Variants in NRTN observed in about 807,000 individuals in gnomAD.
The protein encoded by NRTN is prepro-neurturin.
Under a neutral mutation model 7.5 loss-of-function variants are expected in NRTN, and 3 were observed. That is an observed-to-expected ratio of 0.40 (90% confidence interval 0.18 to 1.03). NRTN has a LOEUF of 1.03. Among genes scored for constraint, NRTN ranks in the 50% least tolerant of loss-of-function variants. The pLI is 0.34. For synonymous variants in NRTN, 157 were observed against 146.6 expected (o/e 1.07, Z -0.51); for missense variants, 310 against 307.0 (o/e 1.01, Z -0.07).
At chr19:5,811,017 A>G (rs2056989061) in intron 1 of NRTN, among the ~76,000 whole-genome samples, 1 of 151,640 alleles carries the variant, frequency 6.6e-6, no homozygotes, top group African/African-American at 2.4e-5. Context: ...CAGGAGGATC[A>G]CTTGAGGTCA....
At position 5,824,332 on chromosome 19, in the gene NRTN, A is replaced by C. The variant is rs757355174; in HGVS notation, c.167A>C (p.Gln56Pro). The C allele has an allele frequency of 9.2e-5, 147 of 1,599,998 alleles. No homozygotes were observed. Among genetic ancestry groups the C allele is most frequent in the Non-Finnish European group, 1.2e-4 (143 of 1,175,506 alleles). Residue 56 changes from glutamine to proline, a missense_variant and splice_region_variant, in exon 2 of 3, where the codon CAG becomes CCG. Coordinates refer to ENST00000303212, the MANE Select transcript of NRTN (RefSeq NM_004558.5). Reference sequence around the variant, plus strand: ...GACGCCCGGATTGCCCGCCTGGCCCAGTGTAAGCTCCTCCTCTGTGTGGGG... The same window carrying C: ...GACGCCCGGATTGCCCGCCTGGCCCCGTGTAAGCTCCTCCTCTGTGTGGGG... ...TLDARIARLA[Q>P]YRALLQGAPD...
intron 1 of NRTN, among the ~76,000 whole-genome samples, chr19:5,816,323 T>C (rs759829030): frequency 6.6e-6 from 1 of 152,222 alleles, no homozygotes; most frequent in Non-Finnish European, 1.5e-5. Context: ...CCTCCATCTG[T>C]CTTTGTCCTT....
At chr19:5,822,382 G>A (rs909943514) in intron 1 of NRTN, among the ~76,000 whole-genome samples, 6 of 152,218 alleles carry the variant, frequency 3.9e-5, no homozygotes, top group Admixed American at 6.5e-5. Flanking sequence ...ACACCTGGCC[G>A]GCCGCCAGGC....
chr19:5,821,621 G>GTTCATTCATTCA (rs3834829), intron 1 of NRTN, among the ~76,000 whole-genome samples: 4,153 of 146,396 alleles, frequency 0.028, 85 homozygotes, highest in African/African-American at 0.056. Flanking sequence ...GCTTCTTTGT[G>GTTCATTCATTCA]TTCATTCATT....
At chr19:5,814,461 ATC>A (rs1396267025) in intron 1 of NRTN, among the ~76,000 whole-genome samples, 7 of 152,212 alleles carry the variant, frequency 4.6e-5, no homozygotes, top group African/African-American at 1.4e-4. Flanking sequence ...CCCTTTCTTC[ATC>A]TCTCAGGTGC....
At chr19:5,815,739 T>A (rs1258457225) in intron 1 of NRTN, among the ~76,000 whole-genome samples, 2 of 118,146 alleles carry the variant, frequency 1.7e-5, no homozygotes, top group African/African-American at 8.7e-5. Context: ...CCCGGCCTGT[T>A]TTTTTTTTTT....
At chr19:5,817,357 AAG>A (rs759153289) in intron 1 of NRTN, among the ~76,000 whole-genome samples, 4 of 149,776 alleles carry the variant, frequency 2.7e-5, no homozygotes, top group East Asian at 4.0e-4. Flanking sequence ...CTATCAAAGA[AAG>A]AGAGAGAGAG....
intron 1 of NRTN, among the ~76,000 whole-genome samples, chr19:5,814,669 T>C (rs973440840): frequency 2.0e-5 from 3 of 152,218 alleles, no homozygotes; most frequent in African/African-American, 7.2e-5. Context: ...TTGCGCTGGC[T>C]GTCTGTTGCT....
chr19:5,817,749 G>A (rs1406421215), intron 1 of NRTN, among the ~76,000 whole-genome samples: 1 of 152,122 alleles, frequency 6.6e-6, no homozygotes, highest in Admixed American at 6.6e-5. Context: ...CAGGATGTGT[G>A]TGTAACCCTG....
Position 5,824,048 on chromosome 19 carries a change from G to T in NRTN, c.-118G>T. 4 of 1,289,874 alleles carry T rather than the reference G, an allele frequency of 3.1e-6. No homozygotes were observed. Among genetic ancestry groups the T allele is most frequent in the South Asian group, 2.4e-5 (2 of 82,446 alleles). The allele number at this position is 1,289,874 out of a possible 1,614,324, so 79.9% of individuals were successfully genotyped here. A position where few individuals can be genotyped will look rare whatever the true frequency, so the allele number is the denominator to read the frequency against. ...ATTCCCATGTGATTATCGACCATTC[G>T]GCAGGCGTTCAAAGTCAAAGGCCCC... is the stretch of plus-strand genomic sequence containing the variant. On this transcript the variant is annotated 5_prime_UTR_variant, in exon 2 of 3. Transcript: ENST00000303212.
chr19:5,817,924 C>T (rs1011968636), intron 1 of NRTN, among the ~76,000 whole-genome samples: 7 of 152,120 alleles, frequency 4.6e-5, no homozygotes, highest in African/African-American at 1.4e-4. Flanking sequence ...CTCAGCCTCC[C>T]GAGTAGCTGG....
Position 5,827,819 on chromosome 19 carries a change from C to A in NRTN, c.240C>A (p.Pro80=), listed in dbSNP as rs1232633483. 1.7e-6 allele frequency: 2 copies of A among 1,169,972 alleles called. No homozygotes were observed. The highest frequency in any genetic ancestry group is 2.1e-6 in the Non-Finnish European group (2 of 950,088). 72.5% of individuals were successfully genotyped at this position (1,169,972 alleles called of 1,614,324 possible). The change falls in exon 3 of 3, where the codon CCC becomes CCA. Residue 80 remains proline (P), a synonymous_variant. Transcript: ENST00000303212. The part of the protein sequence containing the change: ...LRELTPWAGR[P]PGPRRRAGPR... ...AGCTGACGCCCTGGGCTGGGCGGCC[C>A]CCAGGTCCGCGCCGTCGGGCGGGGC...
chr19:5,815,837 C>T (rs191278211), intron 1 of NRTN, among the ~76,000 whole-genome samples: 119 of 151,228 alleles, frequency 7.9e-4, no homozygotes, highest in Non-Finnish European at 7.8e-4. Context: ...CTCCTTCTCC[C>T]GGGTTCAAGC....
intron 1 of NRTN, among the ~76,000 whole-genome samples, chr19:5,820,970 C>T (rs1041691449): frequency 1.4e-4 from 21 of 152,178 alleles, no homozygotes; most frequent in African/African-American, 3.6e-4. Flanking sequence ...TCCTCCAACA[C>T]GCCACGTGTG....
chr19:5,813,246 A>C (rs1388235221), intron 1 of NRTN, among the ~76,000 whole-genome samples: 1 of 151,186 alleles, frequency 6.6e-6, no homozygotes, highest in African/African-American at 2.5e-5. Context: ...AAAAAAAAAC[A>C]GATGGAGGCT....
chr19:5,811,285 A>G (rs1248305178), intron 1 of NRTN, among the ~76,000 whole-genome samples: 1 of 152,154 alleles, frequency 6.6e-6, no homozygotes, highest in Non-Finnish European at 1.5e-5. Context: ...AAGAAAAAAG[A>G]ATATGGAGGG....
intron 1 of NRTN, among the ~76,000 whole-genome samples, chr19:5,809,501 T>C (rs1043988287): frequency 6.6e-6 from 1 of 152,002 alleles, no homozygotes; most frequent in African/African-American, 2.4e-5. Flanking sequence ...TTGTTGTTGT[T>C]TACATGCTCT....
chr19:5,808,880 C>T (rs987359762), intron 1 of NRTN, among the ~76,000 whole-genome samples: 8 of 151,902 alleles, frequency 5.3e-5, no homozygotes, highest in East Asian at 3.9e-4. Flanking sequence ...CTCAGCCTCC[C>T]GAGTAGCTGG....
intron 1 of NRTN, 61 bp from the exon 2 acceptor site, chr19:5,823,707 C>A: frequency 3.3e-6 from 1 of 298,770 alleles, no homozygotes; most frequent in Non-Finnish European, 6.5e-6. Context: ...CGCCTTTGTC[C>A]CACACTGCCA....
Sources: allele counts gnomAD v4.1 joint callset (sites outside exome capture counted in the v4.1 genomes callset), GRCh38; gene constraint gnomAD v4.1.1; transcripts MANE v1.5; gene names NCBI Gene and HGNC (gene_info 2026-07-23, HGNC 2026-07-21).